The following ATP10B variants were observed in gnomAD, a reference collection of about 807,000 sequenced individuals.
The protein encoded by ATP10B is phospholipid-transporting ATPase VB.
ATP10B carries 122 observed loss-of-function variants against 141.2 expected under a neutral mutation model. That is an observed-to-expected ratio of 0.86 (90% CI 0.75 to 1.00). The LOEUF is 1.00. Among genes scored for constraint, ATP10B ranks in the 50% least tolerant of loss-of-function variants. ATP10B has a pLI of 0.00. For synonymous variants in ATP10B, 685 were observed against 692.0 expected (o/e 0.99, Z 0.16); for missense variants, 1,876 against 1,825.3 (o/e 1.03, Z -0.51).
chr5:160,841,774 G>GA (rs1184804696), intron 1 of ATP10B, among the ~76,000 whole-genome samples: 1 of 151,964 alleles, frequency 6.6e-6, no homozygotes, highest in Non-Finnish European at 1.5e-5. Context: ...ACCTAGGCTG[G>GA]AGTGCAGTGG....
chr5:160,696,223 T>A (rs1002223678), intron 3 of ATP10B, among the ~76,000 whole-genome samples: 2 of 152,052 alleles, frequency 1.3e-5, no homozygotes, highest in African/African-American at 4.8e-5. Flanking sequence ...TCTCCTGCCT[T>A]AGCCTCCTGA....
chr5:160,821,645 G>A (rs1332766285), intron 1 of ATP10B, among the ~76,000 whole-genome samples: 10 of 152,050 alleles, frequency 6.6e-5, no homozygotes, highest in African/African-American at 2.4e-4. Flanking sequence ...GCATGGTACC[G>A]GCATAAAAAC....
At chr5:160,778,142 C>T (rs1242405279) in intron 2 of ATP10B, among the ~76,000 whole-genome samples, 1 of 152,134 alleles carries the variant, frequency 6.6e-6, no homozygotes, top group Non-Finnish European at 1.5e-5. Flanking sequence ...ATTAAACATG[C>T]TTTTTACCAT....
At chr5:160,747,865 C>T (rs1767905895) in intron 2 of ATP10B, among the ~76,000 whole-genome samples, 1 of 152,060 alleles carries the variant, frequency 6.6e-6, no homozygotes, top group African/African-American at 2.4e-5. Flanking sequence ...TTTGCTTTCT[C>T]TTCTAATTCA....
chr5:160,788,813 ATAAG>A (rs138976345), intron 1 of ATP10B, among the ~76,000 whole-genome samples: 435 of 152,320 alleles, frequency 2.9e-3, no homozygotes, highest in Non-Finnish European at 4.4e-3. Flanking sequence ...GCCAGAGAAC[ATAAG>A]TAAGTTAACT....
intron 24 of ATP10B, among the ~76,000 whole-genome samples, chr5:160,573,199 A>T (rs1754986436): frequency 6.6e-6 from 1 of 152,170 alleles, no homozygotes; most frequent in South Asian, 2.1e-4. Flanking sequence ...AAGACATGAG[A>T]GATTTGATCC....
At chr5:160,914,855 G>A in the ATP10B span, among the ~76,000 whole-genome samples, 1 of 152,144 alleles carries the variant, frequency 6.6e-6, no homozygotes, top group Non-Finnish European at 1.5e-5. Context: ...ATTCCTCTCC[G>A]AGTTCAGATC....
At chr5:160,613,034 G>T in intron 17 of ATP10B, 109 bp from the exon 18 acceptor site, 1 of 1,074,668 alleles carries the variant, frequency 9.3e-7, no homozygotes, top group Non-Finnish European at 1.3e-6. Context: ...GCATCACTGT[G>T]CTAGGCTGTG....
chr5:160,688,506 C>T (rs1275200403), intron 4 of ATP10B, among the ~76,000 whole-genome samples: 1 of 152,154 alleles, frequency 6.6e-6, no homozygotes, highest in Non-Finnish European at 1.5e-5. Context: ...CCCTGCAGGT[C>T]AGAAGACTAG....
At chr5:160,924,948 G>A in the ATP10B span, among the ~76,000 whole-genome samples, 1 of 152,138 alleles carries the variant, frequency 6.6e-6, no homozygotes, top group African/African-American at 2.4e-5. Context: ...ATCCTGAAGA[G>A]AGGAGAAAGT....
intron 1 of ATP10B, among the ~76,000 whole-genome samples, chr5:160,850,932 C>T (rs1753770633): frequency 6.6e-6 from 1 of 152,114 alleles, no homozygotes; most frequent in Non-Finnish European, 1.5e-5. Context: ...ATTATAGTAA[C>T]ATCTAGACAG....
intron 24 of ATP10B, among the ~76,000 whole-genome samples, chr5:160,575,655 C>G (rs1014100594): frequency 6.6e-6 from 1 of 151,878 alleles, no homozygotes; most frequent in East Asian, 1.9e-4. Context: ...TAACAACAAC[C>G]CACTAAATTC....
At chr5:160,843,474 C>A (rs1291209843) in intron 1 of ATP10B, among the ~76,000 whole-genome samples, 5 of 150,442 alleles carry the variant, frequency 3.3e-5, no homozygotes, top group African/African-American at 1.2e-4. Context: ...AGTATCTAAG[C>A]AAACACGTAA....
intron 1 of ATP10B, among the ~76,000 whole-genome samples, chr5:160,823,956 G>A (rs1774376982): frequency 1.3e-5 from 2 of 152,120 alleles, no homozygotes; most frequent in Non-Finnish European, 2.9e-5. Context: ...TATGGTATTT[G>A]GAAAATACAA....
intron 25 of ATP10B, among the ~76,000 whole-genome samples, chr5:160,566,569 A>G (rs577805912): frequency 6.6e-6 from 1 of 152,252 alleles, no homozygotes; most frequent in East Asian, 1.9e-4. Context: ...CTCCCTGTTG[A>G]CTGACTCAAG....
At chr5:160,882,098 G>C in the ATP10B span, among the ~76,000 whole-genome samples, 112 of 152,242 alleles carry the variant, frequency 7.4e-4, no homozygotes, top group South Asian at 0.018. Context: ...GGAAGGGGGA[G>C]GAGGAGGCAA....
chr5:160,612,372 A>T (rs1757764586), intron 18 of ATP10B: 1 of 164,378 alleles, frequency 6.1e-6, no homozygotes, highest in Non-Finnish European at 1.3e-5. Context: ...TTCTAGACTT[A>T]GTTCTACCTA....
At chr5:160,584,731 T>A (rs1032180970) in intron 24 of ATP10B, among the ~76,000 whole-genome samples, 4 of 152,234 alleles carry the variant, frequency 2.6e-5, no homozygotes, top group Non-Finnish European at 5.9e-5. Flanking sequence ...TAGCTTTTGT[T>A]TACATTCTTG....
At chr5:160,641,706 G>A (rs902209632) in intron 9 of ATP10B, among the ~76,000 whole-genome samples, 5 of 152,182 alleles carry the variant, frequency 3.3e-5, no homozygotes, top group Non-Finnish European at 5.9e-5. Flanking sequence ...GCTGCTGAAT[G>A]TTAACTACAG....
Sources: gnomAD v4.1 joint callset for allele counts (sites outside exome capture counted in the v4.1 genomes callset) on GRCh38, gnomAD v4.1.1 for gene constraint, MANE v1.5 for transcripts, NCBI Gene and HGNC (gene_info 2026-07-23, HGNC 2026-07-21) for gene names.